Variants in PTPRD observed in about 807,000 individuals in gnomAD.
PTPRD encodes the protein protein tyrosine phosphatase receptor type D, also known as receptor-type tyrosine-protein phosphatase delta.
In PTPRD, 34 loss-of-function variants were observed where a neutral mutation model predicts 214.5. The ratio of observed to expected loss-of-function variants is 0.16; its 90% CI spans 0.12 to 0.21. The LOEUF is 0.21. Ranked by LOEUF, PTPRD falls within the 10% of genes least tolerant of loss-of-function variation. The pLI, the probability that PTPRD is intolerant of heterozygous loss-of-function variation, is 1.00. For missense variants in PTPRD, 2,545 were observed against 2,398.7 expected (o/e 1.06, Z -1.27); for synonymous variants, 1,128 against 845.7 (o/e 1.33, Z -5.79).
chr9:8,584,658 T>C (rs1025799892), intron 14 of PTPRD, among the ~76,000 whole-genome samples: 1 of 152,192 alleles, frequency 6.6e-6, no homozygotes, highest in African/African-American at 2.4e-5. Flanking sequence ...TTAAGAAATC[T>C]ACCCCAGCAT....
intron 10 of PTPRD, among the ~76,000 whole-genome samples, chr9:9,035,291 G>A (rs1007049110): frequency 1.3e-5 from 2 of 151,946 alleles, no homozygotes; most frequent in African/African-American, 2.4e-5. Context: ...TTGTCAGAAC[G>A]TGTACTGTAG....
In PTPRD at chr9:8,449,882, T is replaced by C. The variant is rs1449123953; in HGVS notation, c.3876-45A>G. 5.7e-6 allele frequency: 9 copies of C among 1,582,062 alleles called. No individual in the cohort carries two copies. The South Asian group carries it at 1.0e-4, about 18-fold the overall frequency. On this transcript the variant is annotated intron_variant, in intron 33 of 45. Transcript: ENST00000381196. ...ATTTAAGAAGAAAAGAAAAATCAATTGAAACAGATAGAAAAGCAGAGAATT... is the reference window on the plus strand; with the variant it reads ...ATTTAAGAAGAAAAGAAAAATCAATCGAAACAGATAGAAAAGCAGAGAATT...
At chr9:9,969,323 G>C (rs572845549) in intron 4 of PTPRD, among the ~76,000 whole-genome samples, 229 of 150,734 alleles carry the variant, frequency 1.5e-3, no homozygotes, top group Non-Finnish European at 2.5e-3. Context: ...AGATCTTGTG[G>C]CCTCATTAAA....
intron 2 of PTPRD, among the ~76,000 whole-genome samples, chr9:10,492,875 C>T (rs189395143): frequency 6.6e-5 from 10 of 151,834 alleles, no homozygotes; most frequent in Admixed American, 5.9e-4. Context: ...CCCTAAATCT[C>T]GTTAAGCAGA....
chr9:8,808,308 T>G (rs2096728327), intron 11 of PTPRD, among the ~76,000 whole-genome samples: 1 of 152,102 alleles, frequency 6.6e-6, no homozygotes, highest in Non-Finnish European at 1.5e-5. Context: ...TCCACCACAA[T>G]CCTACTCCGT....
chr9:10,087,689 G>A (rs1278883727), intron 3 of PTPRD, among the ~76,000 whole-genome samples: 1 of 151,674 alleles, frequency 6.6e-6, no homozygotes, highest in East Asian at 1.9e-4. Context: ...GTGGAACCGG[G>A]TGATTCAATG....
intron 44 of PTPRD, among the ~76,000 whole-genome samples, chr9:8,325,592 TTAAAG>T (rs1832850466): frequency 6.7e-6 from 1 of 150,200 alleles, no homozygotes; most frequent in Non-Finnish European, 1.5e-5. Flanking sequence ...CATGTCAAAT[TTAAAG>T]TAGTTTTTTC....
intron 10 of PTPRD, among the ~76,000 whole-genome samples, chr9:9,118,441 T>C (rs967539111): frequency 2.0e-5 from 3 of 152,158 alleles, no homozygotes; most frequent in Non-Finnish European, 4.4e-5. Context: ...CACAGTGATT[T>C]AGTACCCAGC....
At chr9:10,118,196 TTATCTATCTATCTATC>T (rs56038500) in intron 3 of PTPRD, among the ~76,000 whole-genome samples, 3 of 148,828 alleles carry the variant, frequency 2.0e-5, no homozygotes, top group East Asian at 2.0e-4. Context: ...CTCACATTTA[TTATCTATCTATCTATC>T]TATCTATCTA....
At chr9:10,553,394 T>C (rs1006158563) in intron 2 of PTPRD, among the ~76,000 whole-genome samples, 2 of 151,606 alleles carry the variant, frequency 1.3e-5, no homozygotes, top group Non-Finnish European at 2.9e-5. Flanking sequence ...AGGAAAAAAA[T>C]CCTACACATA....
chr9:8,969,444 G>C (rs934154920), intron 11 of PTPRD, among the ~76,000 whole-genome samples: 1 of 151,996 alleles, frequency 6.6e-6, no homozygotes, highest in Non-Finnish European at 1.5e-5. Context: ...TACATTGTTT[G>C]TGTTATTGAA....
At chr9:10,132,787 C>T (rs2098906719) in intron 3 of PTPRD, among the ~76,000 whole-genome samples, 1 of 152,284 alleles carries the variant, frequency 6.6e-6, no homozygotes, top group South Asian at 2.1e-4. Flanking sequence ...ATAATCTGCA[C>T]ATACAAGTGA....
intron 11 of PTPRD, among the ~76,000 whole-genome samples, chr9:8,927,054 A>G (rs1346918690): frequency 6.6e-6 from 1 of 152,122 alleles, no homozygotes; most frequent in Non-Finnish European, 1.5e-5. Flanking sequence ...CCAGACATTG[A>G]ATGATTTGTT....
At chr9:9,785,506 T>C (rs929862818) in intron 5 of PTPRD, among the ~76,000 whole-genome samples, 1 of 152,042 alleles carries the variant, frequency 6.6e-6, no homozygotes, top group Non-Finnish European at 1.5e-5. Flanking sequence ...TAATCATTCA[T>C]AAATATTACA....
chr9:8,582,947 C>G (rs910602169), intron 14 of PTPRD, among the ~76,000 whole-genome samples: 1 of 152,116 alleles, frequency 6.6e-6, no homozygotes, highest in Admixed American at 6.5e-5. Context: ...AGTTGGAGCA[C>G]TGCTTGAAAT....
At chr9:9,595,427 T>C (rs1005168839) in intron 7 of PTPRD, among the ~76,000 whole-genome samples, 4 of 149,518 alleles carry the variant, frequency 2.7e-5, no homozygotes, top group Admixed American at 6.7e-5. Context: ...AATGTACACA[T>C]ATACACACGT....
At position 8,499,691 on chromosome 9, in the gene PTPRD, T is replaced by G. The variant is rs373653029; in HGVS notation, c.2278A>C (p.Lys760Gln). 3.7e-6 allele frequency: 6 copies of G among 1,613,998 alleles called. No individual in the cohort carries two copies. In the African/African-American group the frequency reaches 8.0e-5, roughly 22 times the overall value. ...ACATCTTTCAGCATGGGCTGGCCCT[T>G]GGGCTCACCATTTTCCATCCTCACA... ...HYVRMENGEP[K>Q]GQPMLKDVML... Residue 760 changes from lysine to glutamine, a missense_variant, in exon 25 of 46, where the codon AAG (lysine) becomes CAG (glutamine). Lys to Gln is a moderately conservative substitution (Grantham distance 53, BLOSUM62 1). Transcript: ENST00000381196.
At chr9:8,721,900 C>T (rs1054298098) in intron 12 of PTPRD, among the ~76,000 whole-genome samples, 2 of 152,190 alleles carry the variant, frequency 1.3e-5, no homozygotes, top group Non-Finnish European at 2.9e-5. Context: ...CTCTCCTAAC[C>T]TCTGCTCCAA....
At chr9:9,306,326 G>A (rs958777357) in intron 9 of PTPRD, among the ~76,000 whole-genome samples, 2 of 151,738 alleles carry the variant, frequency 1.3e-5, no homozygotes, top group Non-Finnish European at 2.9e-5. Context: ...CACTTTGGGA[G>A]GCCTAGGTGG....
Sources: allele counts gnomAD v4.1 joint callset (sites outside exome capture counted in the v4.1 genomes callset), GRCh38; gene constraint gnomAD v4.1.1; transcripts MANE v1.5; gene names NCBI Gene and HGNC (gene_info 2026-07-23, HGNC 2026-07-21).